The following NCKAP1L variants were observed in gnomAD, a reference collection of about 807,000 sequenced individuals.
The protein encoded by NCKAP1L is NCK associated protein 1 like, also known as nck-associated protein 1-like.
Under a neutral mutation model 139.2 loss-of-function variants are expected in NCKAP1L, and 53 were observed. That is an observed-to-expected ratio of 0.38 (90% CI 0.31 to 0.48). NCKAP1L has a LOEUF of 0.48. Ranked by LOEUF, NCKAP1L falls within the 20% of genes least tolerant of loss-of-function variation. NCKAP1L has a pLI of 0.98. For missense variants in NCKAP1L, 1,151 were observed against 1,381.9 expected, an observed-to-expected ratio of 0.83 and a Z score of 2.65; for synonymous variants, 468 against 499.7, an observed-to-expected ratio of 0.94 and a Z score of 0.85.
At position 54,499,346 on chromosome 12, in the gene NCKAP1L, T is replaced by C; in HGVS notation, c.103-9T>C. ...AAAGGGTTGAAATATATATGGTTTC[T>C]CTCTGCAGACTTGTTCAGACCCCAA... On this transcript the variant is annotated splice_polypyrimidine_tract_variant and intron_variant, in intron 1 of 30. Transcript: ENST00000293373. 6.8e-7 allele frequency: 1 copy of C among 1,460,144 alleles called. No homozygotes were observed. The highest frequency in any genetic ancestry group is 9.6e-7 in the Non-Finnish European group (1 of 1,040,004). 90.4% of individuals were successfully genotyped at this position (1,460,144 alleles called of 1,614,324 possible).
In NCKAP1L at chr12:54,523,540, G is replaced by C; in HGVS notation, c.2024+1G>C. Reference sequence around the variant, plus strand: ...GGAAGAACCGCAGCATTGTCACCAAGTGAGGACCTGGGCCCTAGATGGCCA... The same window carrying C: ...GGAAGAACCGCAGCATTGTCACCAACTGAGGACCTGGGCCCTAGATGGCCA... On this transcript the variant is annotated splice_donor_variant, in intron 19 of 30. Transcript: ENST00000293373. LOFTEE classifies it high-confidence loss of function. The C allele has an allele frequency of 1.2e-6, 2 of 1,612,078 alleles. No homozygotes were observed. The highest frequency in any genetic ancestry group is 8.5e-7 in the Non-Finnish European group (1 of 1,179,488).
rs1268109550 is a variant in NCKAP1L, at chr12:54,503,643, CTT to C, written c.306+3031_306+3032del. On this transcript the variant is annotated intron_variant, in intron 3 of 30. Transcript: ENST00000293373. The stretch of plus-strand genomic sequence containing the variant: ...CACACACATATATATTTTTTCTTTT[CTT>C]TTTTTTTTTTTTGAGGCGGAGTCTT... Among the ~76,000 whole-genome samples the C allele has an allele frequency of 3.2e-3, 444 of 140,164 alleles. 1 individual carries two copies. The highest frequency in any genetic ancestry group is 5.0e-3 in the Non-Finnish European group (317 of 63,988). The allele number at this position is 140,164 out of a possible 152,430, so 92.0% of individuals were successfully genotyped here. A position where few individuals can be genotyped will look rare whatever the true frequency, so the allele number is the denominator to read the frequency against.
In NCKAP1L at chr12:54,518,894, T is replaced by C; in HGVS notation, c.1421-20T>C. ...GTGTGCTGTTTATTGTTTCCTTTTA[T>C]ACTTCCGTTTTTCTTGCAGTTGATA... is the stretch of plus-strand genomic sequence containing the variant. On this transcript the variant is annotated intron_variant, in intron 14 of 30. Transcript: ENST00000293373. 1.9e-6 allele frequency: 3 copies of C among 1,610,292 alleles called. No homozygotes were observed. In the Admixed American group the frequency reaches 5.0e-5, roughly 27 times the overall value.
intron 30 of NCKAP1L, among the ~76,000 whole-genome samples, chr12:54,541,039 T>G (rs913782251): frequency 3.3e-5 from 5 of 152,148 alleles, no homozygotes; most frequent in Non-Finnish European, 5.9e-5. Flanking sequence ...GTCCCCAGAG[T>G]CTTTCTGTTT....
chr12:54,511,784 T>C lies in NCKAP1L; in HGVS notation c.736-19T>C, dbSNP rs2120902528. On this transcript the variant is annotated intron_variant, in intron 7 of 30. Transcript: ENST00000293373. ...AGGCCAAGTTAAATAACTGATCATC[T>C]TTGCTTCTCTTCTCACAGATGGCCT... The C allele has an allele frequency of 6.2e-7, 1 of 1,612,334 alleles. No homozygotes were observed. Among genetic ancestry groups the C allele is most frequent in the Non-Finnish European group, 8.5e-7 (1 of 1,179,290 alleles).
chr12:54,503,436 A>G (rs1378786096), intron 3 of NCKAP1L, among the ~76,000 whole-genome samples: 6 of 151,976 alleles, frequency 3.9e-5, no homozygotes, highest in Admixed American at 2.0e-4. Context: ...TCATGGGGAA[A>G]TAAAAAAAGG....
At chr12:54,535,677 A>G (rs1957108814) in intron 27 of NCKAP1L, among the ~76,000 whole-genome samples, 2 of 152,220 alleles carry the variant, frequency 1.3e-5, no homozygotes, top group African/African-American at 4.8e-5. Flanking sequence ...TTTCCATTAC[A>G]CATTTCCTCT....
At chr12:54,499,012 G>A (rs1294021450) in intron 1 of NCKAP1L, among the ~76,000 whole-genome samples, 1 of 151,634 alleles carries the variant, frequency 6.6e-6, no homozygotes, top group Non-Finnish European at 1.5e-5. Flanking sequence ...TGCAACCTCC[G>A]CCTCCCGGGT....
intron 19 of NCKAP1L, 103 bp downstream of exon 19, chr12:54,523,642 G>A: frequency 1.4e-6 from 2 of 1,472,484 alleles, no homozygotes; most frequent in South Asian, 2.7e-5. Flanking sequence ...AAGTCATGGT[G>A]GGGAATGAGG....
chr12:54,528,683 C>T (rs899286632), intron 22 of NCKAP1L, among the ~76,000 whole-genome samples: 12 of 151,016 alleles, frequency 7.9e-5, no homozygotes, highest in Non-Finnish European at 1.2e-4. Context: ...TGGAGTGCAG[C>T]GGCACTATCT....
chr12:54,528,229 T>C lies in NCKAP1L; in HGVS notation c.2376-18T>C. On this transcript the variant is annotated intron_variant, in intron 21 of 30. Coordinates refer to ENST00000293373, the MANE Select transcript of NCKAP1L (RefSeq NM_005337.5). ...AGGGATTGGATCCTAATCTATGTTT[T>C]CTTGGCCAACCCTGTAGGTACCTGG... 1 of 1,612,744 alleles carries C rather than the reference T, an allele frequency of 6.2e-7. No individual in the cohort carries two copies. The highest frequency in any genetic ancestry group is 8.5e-7 in the Non-Finnish European group (1 of 1,179,264).
intron 28 of NCKAP1L, among the ~76,000 whole-genome samples, chr12:54,536,730 C>A (rs942334268): frequency 4.9e-5 from 7 of 141,422 alleles, no homozygotes; most frequent in African/African-American, 1.9e-4. Context: ...AAAAAAAAAA[C>A]CAGAATGAGA....
intron 3 of NCKAP1L, among the ~76,000 whole-genome samples, chr12:54,503,484 A>T (rs1054317319): frequency 6.6e-6 from 1 of 152,108 alleles, no homozygotes; most frequent in African/African-American, 2.4e-5. Flanking sequence ...AATATACTCC[A>T]TTGCATTATT....
At chr12:54,539,774 G>A (rs554505530) in intron 30 of NCKAP1L, among the ~76,000 whole-genome samples, 1 of 152,254 alleles carries the variant, frequency 6.6e-6, no homozygotes, top group South Asian at 2.1e-4. Flanking sequence ...GGTAGAGCCT[G>A]TACCCCACCT....
At chr12:54,502,081 A>AT (rs142409584) in intron 3 of NCKAP1L, among the ~76,000 whole-genome samples, 7,286 of 152,056 alleles carry the variant, frequency 0.048, 603 homozygotes, top group African/African-American at 0.17. Flanking sequence ...TTTGAATTGG[A>AT]TTTTTTGTGT....
intron 26 of NCKAP1L, 23 bp from the exon 27 acceptor site, chr12:54,535,081 G>A: frequency 6.2e-7 from 1 of 1,603,206 alleles, no homozygotes; most frequent in Non-Finnish European, 8.5e-7. Context: ...ATCCTCTCTA[G>A]AATGTTATTT....
At chr12:54,506,796 A>AAAATATATATATATATATATATATAT in intron 3 of NCKAP1L, among the ~76,000 whole-genome samples, 2 of 50,606 alleles carry the variant, frequency 4.0e-5, no homozygotes, top group Non-Finnish European at 3.0e-5. Context: ...AAAAAAAAAA[A>AAAATATATATATATATATATATATAT]ATATATATAT....
At chr12:54,531,217 T>G in intron 22 of NCKAP1L, 43 bp from the exon 23 acceptor site, 1 of 1,412,040 alleles carries the variant, frequency 7.1e-7, no homozygotes, top group Admixed American at 1.7e-5. Context: ...AATACTCCAG[T>G]GCCTTCTGAG....
chr12:54,512,069 A>G lies in NCKAP1L; in HGVS notation c.905A>G (p.His302Arg). ...ATCCGTGAGGATGTGCTGCAGGTGC[A>G]CAAAGTCACCGAGGACCTGTTTAGC... ...TLIREDVLQVHKVTEDLFSSL... is the reference protein window; with the variant it reads ...TLIREDVLQVRKVTEDLFSSL... The change falls in exon 9 of 31, where the codon CAC (histidine) becomes CGC (arginine). Residue 302 changes from histidine (H) to arginine (R), a missense_variant. Physicochemically the swap from His to Arg is conservative, Grantham distance 29. Transcript: ENST00000293373. 1.2e-6 allele frequency: 2 copies of G among 1,614,228 alleles called. No individual in the cohort carries two copies. The highest frequency in any genetic ancestry group is 1.7e-6 in the Non-Finnish European group (2 of 1,180,036).
Sources: gnomAD v4.1 joint callset for allele counts (sites outside exome capture counted in the v4.1 genomes callset) on GRCh38, gnomAD v4.1.1 for gene constraint, MANE v1.5 for transcripts, NCBI Gene and HGNC (gene_info 2026-07-23, HGNC 2026-07-21) for gene names.